Variants in SHLD2 observed in about 807,000 individuals in gnomAD.
The protein encoded by SHLD2 is RINN1-REV7-interacting novel NHEJ regulator 2.
In SHLD2, 30 loss-of-function variants were observed where a neutral mutation model predicts 73.2. The observed-to-expected ratio is 0.41, with a 90% CI of 0.31 to 0.56. SHLD2 has a LOEUF of 0.56. SHLD2 is among the 20% of genes least tolerant of loss of function. The probability of loss-of-function intolerance (pLI) is 0.28; values close to 1 mark genes in which losing one functional copy is unlikely to be tolerated. For synonymous variants in SHLD2, 285 were observed against 370.1 expected (o/e 0.77, Z 2.64); for missense variants, 745 against 1,055.9 (o/e 0.71, Z 4.08).
In SHLD2 at chr10:87,170,526, T is replaced by G; in HGVS notation, c.1682T>G (p.Val561Gly). 1 of 1,612,088 alleles carries G rather than the reference T, an allele frequency of 6.2e-7. No individual in the cohort carries two copies. Among genetic ancestry groups the G allele is most frequent in the Non-Finnish European group, 8.5e-7 (1 of 1,179,228 alleles). The change falls in exon 5 of 10, where the codon GTG (valine) becomes GGG (glycine). Residue 561 changes from valine (V) to glycine (G), a missense_variant. This residue lies in a region of SHLD2 where 418 missense variants were observed against 567.8 expected (regional missense o/e 0.74). Transcript: ENST00000298786. ...GTACTTCAAGACTTACTGGCATATG[T>G]GTCCTCAAAACATTCCTACCTCAGA... ...EVVLQDLLAY[V>G]SSKHSYLRDL...
intron 6 of SHLD2, among the ~76,000 whole-genome samples, chr10:87,173,249 A>G (rs1364872866): frequency 6.6e-6 from 1 of 151,942 alleles, no homozygotes; most frequent in African/African-American, 2.4e-5. Flanking sequence ...GCTGGTCTCG[A>G]ACTCCTGATC....
At chr10:87,140,016 A>G (rs906745577) in intron 2 of SHLD2, among the ~76,000 whole-genome samples, 3 of 152,240 alleles carry the variant, frequency 2.0e-5, no homozygotes, top group Admixed American at 1.3e-4. Flanking sequence ...ATACTAGAAC[A>G]AAGTTAATAG....
chr10:87,094,633 G>C, upstream of SHLD2: 1 of 1,606,936 alleles, frequency 6.2e-7, no homozygotes, highest in Non-Finnish European at 8.5e-7. This position sits in a 1 kb window ranked among gnomAD's most constrained non-coding sequence, Gnocchi z 6.6. Context: ...GGCGGCCAAT[G>C]CCAGCCCCGG....
intron 2 of SHLD2, among the ~76,000 whole-genome samples, chr10:87,148,560 G>T (rs1183663054): frequency 1.4e-5 from 2 of 140,182 alleles, no homozygotes; most frequent in African/African-American, 5.5e-5. Context: ...CAAGTTTGTG[G>T]GGGGGCGGGG....
chr10:87,173,759 A>C (rs1847768495), intron 6 of SHLD2, among the ~76,000 whole-genome samples: 1 of 152,172 alleles, frequency 6.6e-6, no homozygotes. Flanking sequence ...AAACAGAAAA[A>C]AAATTACATT....
chr10:87,172,875 G>A (rs1413305881), intron 6 of SHLD2, among the ~76,000 whole-genome samples: 1 of 152,008 alleles, frequency 6.6e-6, no homozygotes, highest in Non-Finnish European at 1.5e-5. Context: ...AATGCTAGCA[G>A]TGGTTATTTC....
At chr10:87,175,073 C>T (rs561716147) in intron 6 of SHLD2, among the ~76,000 whole-genome samples, 2 of 146,404 alleles carry the variant, frequency 1.4e-5, no homozygotes, top group South Asian at 2.2e-4. Flanking sequence ...GCCGAGATTG[C>T]GCCACTGCGC....
chr10:87,182,139 A>T (rs1191328061), intron 8 of SHLD2, among the ~76,000 whole-genome samples: 3 of 152,202 alleles, frequency 2.0e-5, no homozygotes, highest in African/African-American at 7.2e-5. Context: ...GAAATTAACA[A>T]ACTCCCTTCA....
chr10:87,174,567 C>CAAAAA (rs5786765), intron 6 of SHLD2, among the ~76,000 whole-genome samples: 2 of 113,284 alleles, frequency 1.8e-5, no homozygotes, highest in Non-Finnish European at 2.0e-5. Flanking sequence ...GATTTTCCAC[C>CAAAAA]AAAAAAAAAA....
At chr10:87,154,976 C>T (rs547873022) in intron 3 of SHLD2, among the ~76,000 whole-genome samples, 19 of 152,220 alleles carry the variant, frequency 1.2e-4, no homozygotes, top group Middle Eastern at 3.4e-3. Context: ...GCTCTGGCAC[C>T]CAGGCTGGAG....
At chr10:87,161,451 A>T (rs1846810399) in intron 4 of SHLD2, among the ~76,000 whole-genome samples, 2 of 152,314 alleles carry the variant, frequency 1.3e-5, no homozygotes, top group South Asian at 2.1e-4. Flanking sequence ...TCTCAAAAAA[A>T]AATAATAATA....
chr10:87,182,120 G>T (rs958717336), intron 8 of SHLD2, among the ~76,000 whole-genome samples: 17 of 152,166 alleles, frequency 1.1e-4, no homozygotes, highest in Admixed American at 2.0e-4. Flanking sequence ...TCCTTGAAAA[G>T]AAAATATTGA....
At chr10:87,094,737 C>A, upstream of SHLD2, 3 of 1,529,346 alleles carry the variant, frequency 2.0e-6, no homozygotes, top group Non-Finnish European at 2.6e-6. This position sits in a 1 kb window ranked among gnomAD's most constrained non-coding sequence, Gnocchi z 6.6. Context: ...CGGCCCGGGA[C>A]AGCAACAGCG....
intron 2 of SHLD2, among the ~76,000 whole-genome samples, chr10:87,140,432 A>G (rs1201184966): frequency 6.6e-6 from 1 of 151,466 alleles, no homozygotes; most frequent in Non-Finnish European, 1.5e-5. Context: ...AAAAAAAAAA[A>G]AAAGAAAAAA....
chr10:87,102,969 TGGGAG>T (rs1842364852), intron 2 of SHLD2, among the ~76,000 whole-genome samples: 1 of 151,998 alleles, frequency 6.6e-6, no homozygotes, highest in Non-Finnish European at 1.5e-5. Context: ...CCCAGCACTT[TGGGAG>T]GCTGAGGTGG....
At chr10:87,140,827 T>C (rs1312606514) in intron 2 of SHLD2, among the ~76,000 whole-genome samples, 2 of 151,974 alleles carry the variant, frequency 1.3e-5, no homozygotes. Context: ...ATATAAAAAG[T>C]TAGCCAGGCA....
chr10:87,100,347 C>T (rs889776168), intron 2 of SHLD2, among the ~76,000 whole-genome samples: 4 of 152,162 alleles, frequency 2.6e-5, no homozygotes, highest in African/African-American at 9.7e-5. Flanking sequence ...AAGACTATTT[C>T]TTTCCCATTG....
At chr10:87,183,942 G>T (rs1375554926) in intron 8 of SHLD2, among the ~76,000 whole-genome samples, 1 of 152,076 alleles carries the variant, frequency 6.6e-6, no homozygotes, top group Non-Finnish European at 1.5e-5. Context: ...ATTCTGCCTG[G>T]ATGATCACAG....
chr10:87,159,107 AT>A (rs1846634245), intron 4 of SHLD2, among the ~76,000 whole-genome samples: 1 of 152,192 alleles, frequency 6.6e-6, no homozygotes, highest in African/African-American at 2.4e-5. Flanking sequence ...AAATATACTG[AT>A]TATACAAGAA....
Sources: allele counts gnomAD v4.1 joint callset (sites outside exome capture counted in the v4.1 genomes callset), GRCh38; gene constraint gnomAD v4.1.1; regional missense constraint gnomAD v4.1.1; non-coding constraint Gnocchi (gnomAD v3.1); transcripts MANE v1.5; gene names NCBI Gene and HGNC (gene_info 2026-07-23, HGNC 2026-07-21).